The following FAT3 variants were observed in gnomAD, a reference collection of about 807,000 sequenced individuals.
FAT3 encodes the protein FAT atypical cadherin 3.
A neutral mutation model predicts 310.2 loss-of-function variants in FAT3; 95 were observed. That is an observed-to-expected ratio of 0.31 (90% confidence interval 0.26 to 0.36). The LOEUF (loss-of-function observed/expected upper bound fraction) is 0.36. Ranked by LOEUF, FAT3 falls within the 10% of genes least tolerant of loss-of-function variation. The pLI is 1.00. For missense variants in FAT3, 5,408 were observed against 5,715.6 expected (o/e 0.95, Z 1.74); for synonymous variants, 2,314 against 2,192.9 (o/e 1.06, Z -1.54).
chr11:92,803,833 A>T (rs1207995795), intron 10 of FAT3, among the ~76,000 whole-genome samples: 3 of 152,212 alleles, frequency 2.0e-5, no homozygotes, highest in Non-Finnish European at 4.4e-5. Flanking sequence ...CCCCAGAGGA[A>T]TAGGCAGCTC....
chr11:92,763,212 G>T (rs553557516), intron 5 of FAT3, among the ~76,000 whole-genome samples: 1 of 151,230 alleles, frequency 6.6e-6, no homozygotes, highest in East Asian at 2.0e-4. Flanking sequence ...ATCCTTCTCT[G>T]CTAGGTCTGT....
At chr11:92,821,088 A>G (rs931706069) in intron 13 of FAT3, among the ~76,000 whole-genome samples, 33 of 152,284 alleles carry the variant, frequency 2.2e-4, no homozygotes, top group African/African-American at 5.8e-4. Context: ...TCATGGATTC[A>G]TGGGCCTTCC....
rs1391198744 is a variant in FAT3 at position 92,798,855 on chromosome 11, A to G, written c.5842A>G (p.Lys1948Glu). 1 of 1,613,918 alleles carries G rather than the reference A, an allele frequency of 6.2e-7. No homozygotes were observed. The highest frequency in any genetic ancestry group is 1.3e-5 in the African/African-American group (1 of 75,016). Reference protein sequence around the residue: ...VLTIKNNNLSKDHYMLIVKVS... With the variant: ...VLTIKNNNLSEDHYMLIVKVS... ...TACCATAAAAAACAACAACCTCTCC[A>G]AGGATCACTACATGCTGATAGTTAA... Residue 1948 changes from lysine to glutamate, a missense_variant, in exon 10 of 28, where the codon AAG (lysine) becomes GAG (glutamate). This residue lies in a region of FAT3 where 4,588 missense variants were observed against 4,809.8 expected (regional missense o/e 0.95). Coordinates refer to ENST00000525166, the MANE Select transcript of FAT3 (RefSeq NM_001367949.2).
In FAT3 at chr11:92,515,090, C is replaced by T. The variant is rs557064619; in HGVS notation, c.3293-9544C>T. Among the ~76,000 whole-genome samples the T allele has an allele frequency of 5.9e-5, 9 of 152,194 alleles. 1 individual carries two copies. Among genetic ancestry groups the T allele is most frequent in the African/African-American group, 2.2e-4 (9 of 41,546 alleles). The stretch of plus-strand genomic sequence containing the variant: ...TAATGAATCGCTTCATTGATATAAA[C>T]TAGCCTACTGCTGAATCAGTGTCAT... On this transcript the variant is annotated intron_variant, in intron 2 of 27. Transcript: ENST00000525166.
chr11:92,476,417 A>G (rs1171709411), intron 2 of FAT3, among the ~76,000 whole-genome samples: 2 of 152,200 alleles, frequency 1.3e-5, no homozygotes. Context: ...CTAGGTTACT[A>G]TCTCTTATCT....
chr11:92,644,701 A>G (rs1433387552), intron 3 of FAT3, among the ~76,000 whole-genome samples: 1 of 152,240 alleles, frequency 6.6e-6, no homozygotes, highest in African/African-American at 2.4e-5. Context: ...TAAAGATGAC[A>G]TACCAGGCTT....
chr11:92,485,337 A>G (rs925530062), intron 2 of FAT3, among the ~76,000 whole-genome samples: 2 of 152,182 alleles, frequency 1.3e-5, no homozygotes, highest in Non-Finnish European at 2.9e-5. Flanking sequence ...TTGCTTATTG[A>G]CAGATTTCAT....
chr11:92,433,292 T>A (rs1300024823), intron 2 of FAT3, among the ~76,000 whole-genome samples: 3 of 152,070 alleles, frequency 2.0e-5, no homozygotes, highest in African/African-American at 7.2e-5. Flanking sequence ...GAAAAAAAAC[T>A]CCTGCTGCTA....
In FAT3 at chr11:92,886,934, G is replaced by A. The variant is rs909460719; in HGVS notation, c.12938-66G>A. ...GAAGTGAACTAGCTGAGAGGGGTGG[G>A]TGGGACTGGAAATAGGCACAAGGTA... On this transcript the variant is annotated intron_variant, in intron 24 of 27. Coordinates refer to ENST00000525166, the MANE Select transcript of FAT3 (RefSeq NM_001367949.2). The A allele has an allele frequency of 3.4e-5, 43 of 1,283,508 alleles. No homozygotes were observed. In the Admixed American group the frequency reaches 8.2e-4, roughly 24 times the overall value. The allele number at this position is 1,283,508 out of a possible 1,614,324, so 79.5% of individuals were successfully genotyped here. A position where few individuals can be genotyped will look rare whatever the true frequency, so the allele number is the denominator to read the frequency against.
At chr11:92,344,750 A>G (rs1347709413) in intron 1 of FAT3, among the ~76,000 whole-genome samples, 1 of 152,128 alleles carries the variant, frequency 6.6e-6, no homozygotes, top group Non-Finnish European at 1.5e-5. Flanking sequence ...TAGATGGAAA[A>G]GGCATTAAGT....
intron 3 of FAT3, among the ~76,000 whole-genome samples, chr11:92,574,263 C>T (rs1434895008): frequency 6.6e-6 from 1 of 152,070 alleles, no homozygotes; most frequent in South Asian, 2.1e-4. Context: ...ATAAAAATCC[C>T]ACCTTAAACT....
At chr11:92,471,296 T>C (rs1565342291) in intron 2 of FAT3, among the ~76,000 whole-genome samples, 2 of 152,186 alleles carry the variant, frequency 1.3e-5, no homozygotes. Context: ...TACATAGCAC[T>C]AATTTGTTTC....
chr11:92,225,115 G>A lies in FAT3; in HGVS notation c.-77G>A, dbSNP rs1040993504. 1.3e-5 allele frequency among the ~76,000 whole-genome samples: 2 copies of A among 152,152 alleles called. No individual in the cohort carries two copies. The highest frequency in any genetic ancestry group is 4.8e-5 in the African/African-American group (2 of 41,460). ...CCCGGAGCAAGAGCGCCGAGCACCGGGTGAAGAAGACCACGGGGGAGGCGC... is the reference window on the plus strand; with the variant it reads ...CCCGGAGCAAGAGCGCCGAGCACCGAGTGAAGAAGACCACGGGGGAGGCGC... On this transcript the variant is annotated 5_prime_UTR_variant, in exon 1 of 28. Transcript: ENST00000525166.
At chr11:92,779,986 A>G (rs1270812760) in intron 7 of FAT3, among the ~76,000 whole-genome samples, 2 of 152,058 alleles carry the variant, frequency 1.3e-5, no homozygotes, top group African/African-American at 4.8e-5. Context: ...CCGTTCTACA[A>G]CCACAAGGAA....
chr11:92,381,724 G>T (rs1271770898), intron 2 of FAT3, among the ~76,000 whole-genome samples: 2 of 151,754 alleles, frequency 1.3e-5, no homozygotes, highest in African/African-American at 4.8e-5. Flanking sequence ...TTTAAAATTT[G>T]GGATTTTTTG....
intron 1 of FAT3, among the ~76,000 whole-genome samples, chr11:92,255,078 T>C (rs1401365135): frequency 6.6e-6 from 1 of 152,102 alleles, no homozygotes; most frequent in African/African-American, 2.4e-5. Flanking sequence ...CCAAAATTTA[T>C]AGCAGCAAAT....
intron 1 of FAT3, among the ~76,000 whole-genome samples, chr11:92,343,656 T>C (rs1302133643): frequency 6.6e-6 from 1 of 152,166 alleles, no homozygotes; most frequent in Non-Finnish European, 1.5e-5. Context: ...TTTTTTCTAG[T>C]GGGAAAAAAG....
At chr11:92,271,963 G>C (rs1385840107) in intron 1 of FAT3, among the ~76,000 whole-genome samples, 1 of 152,040 alleles carries the variant, frequency 6.6e-6, no homozygotes, top group Non-Finnish European at 1.5e-5. Flanking sequence ...TTCTTTCTTA[G>C]TTTGGGGGTA....
intron 1 of FAT3, among the ~76,000 whole-genome samples, chr11:92,303,893 T>G (rs1248983677): frequency 6.6e-6 from 1 of 152,168 alleles, no homozygotes; most frequent in Non-Finnish European, 1.5e-5. Context: ...TTAGAGGGTT[T>G]TAGATTCTGA....
Sources: allele counts gnomAD v4.1 joint callset (sites outside exome capture counted in the v4.1 genomes callset), GRCh38; gene constraint gnomAD v4.1.1; regional missense constraint gnomAD v4.1.1; transcripts MANE v1.5; gene names NCBI Gene and HGNC (gene_info 2026-07-23, HGNC 2026-07-21).